The following TMEM178B variants were observed in gnomAD, a reference collection of about 807,000 sequenced individuals.
TMEM178B encodes the protein transmembrane protein 178B.
TMEM178B carries 5 observed loss-of-function variants against 31.0 expected under a neutral mutation model. The ratio of observed to expected loss-of-function variants is 0.16; its 90% confidence interval spans 0.08 to 0.34. The LOEUF (loss-of-function observed/expected upper bound fraction) is 0.34, where lower values mean the gene tolerates loss of function less well. Among genes scored for constraint, TMEM178B ranks in the 10% least tolerant of loss-of-function variants. TMEM178B has a pLI of 1.00. For missense variants in TMEM178B, 275 were observed against 400.3 expected (o/e 0.69, Z 2.67); for synonymous variants, 164 against 164.0 (o/e 1.00, Z 0.00).
intron 2 of TMEM178B, among the ~76,000 whole-genome samples, chr7:141,385,057 A>G (rs950344309): frequency 6.6e-6 from 1 of 152,202 alleles, no homozygotes; most frequent in African/African-American, 2.4e-5. Flanking sequence ...CCTGAATTCA[A>G]AATGAAACCC....
intron 1 of TMEM178B, among the ~76,000 whole-genome samples, chr7:141,092,910 G>C (rs1265239105): frequency 6.6e-6 from 1 of 152,164 alleles, no homozygotes; most frequent in African/African-American, 2.4e-5. Context: ...ATTTCAAGTG[G>C]AGGGAATAAC....
At chr7:141,261,062 T>C (rs993538416) in intron 2 of TMEM178B, among the ~76,000 whole-genome samples, 11 of 152,216 alleles carry the variant, frequency 7.2e-5, no homozygotes, top group African/African-American at 2.7e-4. Context: ...CTGAAAAGAA[T>C]TGTGAATTCT....
At chr7:141,337,335 CATCACT>C (rs1228632541) in intron 2 of TMEM178B, among the ~76,000 whole-genome samples, 5 of 149,674 alleles carry the variant, frequency 3.3e-5, no homozygotes, top group Admixed American at 1.3e-4. Flanking sequence ...TCACCATCAC[CATCACT>C]ACCACTACCC....
intron 2 of TMEM178B, among the ~76,000 whole-genome samples, chr7:141,437,295 T>G (rs1397021922): frequency 6.6e-6 from 1 of 152,074 alleles, no homozygotes; most frequent in Non-Finnish European, 1.5e-5. Flanking sequence ...TCTCAGAAGG[T>G]TGAGATAGAT....
At chr7:141,315,909 G>A (rs927844897) in intron 2 of TMEM178B, among the ~76,000 whole-genome samples, 2 of 152,164 alleles carry the variant, frequency 1.3e-5, no homozygotes, top group African/African-American at 4.8e-5. Flanking sequence ...CCATCAGTAT[G>A]TAAAAACACA....
At chr7:141,274,542 C>G (rs1211492552) in intron 2 of TMEM178B, among the ~76,000 whole-genome samples, 1 of 152,194 alleles carries the variant, frequency 6.6e-6, no homozygotes, top group Non-Finnish European at 1.5e-5. Context: ...AGAAGGCCCA[C>G]CCCCTTCTTT....
At chr7:141,498,274 GA>G in the TMEM178B span, among the ~76,000 whole-genome samples, 1 of 152,198 alleles carries the variant, frequency 6.6e-6, no homozygotes, top group South Asian at 2.1e-4. Flanking sequence ...GGAATAAGAG[GA>G]AAACTCCTTC....
intron 1 of TMEM178B, among the ~76,000 whole-genome samples, chr7:141,114,723 C>G (rs958441076): frequency 1.4e-4 from 21 of 152,240 alleles, no homozygotes; most frequent in Non-Finnish European, 2.2e-4. Flanking sequence ...CACTCCTGTT[C>G]TTTGGATCCA....
chr7:141,129,625 GAA>G (rs964448482), intron 1 of TMEM178B, among the ~76,000 whole-genome samples: 1 of 152,170 alleles, frequency 6.6e-6, no homozygotes, highest in Non-Finnish European at 1.5e-5. Flanking sequence ...TATTGTTGAT[GAA>G]AAGAGTCAAA....
intron 2 of TMEM178B, among the ~76,000 whole-genome samples, chr7:141,377,901 T>C (rs761459242): frequency 3.9e-5 from 6 of 152,210 alleles, no homozygotes; most frequent in Non-Finnish European, 7.3e-5. Context: ...TAACATATTA[T>C]ATAACTACAA....
At chr7:141,166,837 G>T (rs775854942) in intron 1 of TMEM178B, among the ~76,000 whole-genome samples, 5 of 152,214 alleles carry the variant, frequency 3.3e-5, no homozygotes, top group Admixed American at 6.5e-5. Context: ...TGGCTGGAGT[G>T]CAGTGTGCCC....
chr7:141,136,837 G>A (rs1682666134), intron 1 of TMEM178B, among the ~76,000 whole-genome samples: 1 of 152,144 alleles, frequency 6.6e-6, no homozygotes, highest in South Asian at 2.1e-4. Context: ...CTGTACTCCA[G>A]CCTTGGTGAC....
intron 2 of TMEM178B, among the ~76,000 whole-genome samples, chr7:141,418,982 A>G (rs1388551548): frequency 1.3e-5 from 2 of 152,118 alleles, no homozygotes; most frequent in East Asian, 3.9e-4. Flanking sequence ...ATCCTGGCTC[A>G]CTGCAACCTC....
chr7:141,396,550 C>T (rs973639313), intron 2 of TMEM178B, among the ~76,000 whole-genome samples: 9 of 152,154 alleles, frequency 5.9e-5, no homozygotes, highest in Admixed American at 2.0e-4. Context: ...AAAGATGAGG[C>T]GACAGCGCTG....
the TMEM178B span, among the ~76,000 whole-genome samples, chr7:141,504,495 T>G: frequency 6.6e-6 from 1 of 152,218 alleles, no homozygotes; most frequent in Non-Finnish European, 1.5e-5. Context: ...ATAGAACAAA[T>G]TTATTAGTTT....
chr7:141,469,935 G>A (rs1454097218), intron 3 of TMEM178B, among the ~76,000 whole-genome samples: 2 of 152,184 alleles, frequency 1.3e-5, no homozygotes, highest in Non-Finnish European at 2.9e-5. Context: ...CCCGTCTTTT[G>A]ACTCTGCCTC....
rs1040731326 is a variant in TMEM178B, at chr7:141,294,803, A to G, written c.496+82099A>G. Among the ~76,000 whole-genome samples, 4 of 152,238 alleles carry G rather than the reference A, an allele frequency of 2.6e-5. No individual in the cohort carries two copies. The East Asian group carries it at 7.7e-4, about 29-fold the overall frequency. On this transcript the variant is annotated intron_variant, in intron 2 of 3. Transcript: ENST00000565468. The stretch of plus-strand genomic sequence containing the variant: ...TATTCACTTTACCCTCATTTCTCTC[A>G]TATAGAATATAATAGAGAATCTCTT...
chr7:141,317,380 T>A (rs1799023690), intron 2 of TMEM178B, among the ~76,000 whole-genome samples: 1 of 152,322 alleles, frequency 6.6e-6, no homozygotes, highest in Middle Eastern at 3.4e-3. Flanking sequence ...ATCCTACCTT[T>A]CTGTTTTGCC....
chr7:141,287,232 A>G (rs1254007664), intron 2 of TMEM178B, among the ~76,000 whole-genome samples: 3 of 152,172 alleles, frequency 2.0e-5, no homozygotes, highest in Non-Finnish European at 4.4e-5. Context: ...GAACATTTAG[A>G]GCCAAATTAG....
Sources: allele counts gnomAD v4.1 joint callset (sites outside exome capture counted in the v4.1 genomes callset), GRCh38; gene constraint gnomAD v4.1.1; transcripts MANE v1.5; gene names NCBI Gene and HGNC (gene_info 2026-07-23, HGNC 2026-07-21).